SLC9A6: variants seen among roughly 807,000 people sequenced by gnomAD.
SLC9A6 encodes sodium/hydrogen exchanger 6.
Under a neutral mutation model 45.3 loss-of-function variants are expected in SLC9A6, and 6 were observed. The observed-to-expected ratio is 0.13, with a 90% CI of 0.07 to 0.26. The LOEUF is 0.26. SLC9A6 is among the 10% of genes least tolerant of loss of function. The probability of loss-of-function intolerance (pLI) is 1.00; values close to 1 mark genes in which losing one functional copy is unlikely to be tolerated. For synonymous variants in SLC9A6, 191 were observed against 187.7 expected (o/e 1.02, Z -0.14); for missense variants, 278 against 503.7 (o/e 0.55, Z 4.29).
In SLC9A6 at chrX:136,045,325, C is replaced by G. The variant is rs913261865; in HGVS notation, c.*601C>G. On this transcript the variant is annotated 3_prime_UTR_variant, in exon 18 of 18. Coordinates refer to ENST00000630721, the MANE Select transcript of SLC9A6 (RefSeq NM_001379110.1). ...TTTTCCCCCGCTTGCTGTGAAAGCA[C>G]AGATTCATTGACTACAGTACACTGT... 2.6e-5 allele frequency: 3 copies of G among 116,349 alleles called. No individual in the cohort carries two copies. The highest frequency in any genetic ancestry group is 8.6e-5 in the Admixed American group (1 of 11,596). 9.6% of individuals were successfully genotyped at this position (116,349 alleles called of 1,213,427 possible). A position where few individuals can be genotyped will look rare whatever the true frequency, so the allele number is the denominator to read the frequency against.
At chrX:135,998,400 A>G in intron 4 of SLC9A6, 82 bp from the exon 5 acceptor site, 1 of 688,531 alleles carries the variant, frequency 1.5e-6, no homozygotes, top group Admixed American at 3.2e-5. Flanking sequence ...AATGCATTTC[A>G]TATTAGCATA....
chrX:136,042,931 T>C (rs1181575677), intron 17 of SLC9A6, among the ~76,000 whole-genome samples: 7 of 112,123 alleles, frequency 6.2e-5, no homozygotes, highest in Middle Eastern at 4.6e-3. Flanking sequence ...ACAATACTTA[T>C]AGTGAATATT....
At chrX:135,994,107 CTTTT>C (rs782645887) in intron 2 of SLC9A6, among the ~76,000 whole-genome samples, 1 of 96,581 alleles carries the variant, frequency 1.0e-5, no homozygotes, top group African/African-American at 3.7e-5. Context: ...AAACAAATTT[CTTTT>C]TTTTTTTTTT....
rs781890953 is a variant in SLC9A6 at position 136,038,818 on chromosome X, A to ACAT, written c.1662-1255_1662-1253dup. On this transcript the variant is annotated intron_variant, in intron 16 of 17. Coordinates refer to ENST00000630721, the MANE Select transcript of SLC9A6 (RefSeq NM_001379110.1). ...AAGGAATTTTTTCTTGTAGAGTCAA[A>ACAT]CATCAAGACTTGTTAGCCTCAGTAC... 2.3e-4 allele frequency among the ~76,000 whole-genome samples: 25 copies of ACAT among 108,624 alleles called. No homozygotes were observed. The East Asian group carries it at 7.1e-3, about 31-fold the overall frequency. 94.3% of individuals were successfully genotyped at this position (108,624 alleles called of 115,157 possible).
chrX:136,026,610 G>T (rs1461614707), intron 13 of SLC9A6, among the ~76,000 whole-genome samples: 1 of 108,527 alleles, frequency 9.2e-6, no homozygotes, highest in African/African-American at 3.4e-5. Flanking sequence ...ATCTCAGCTC[G>T]TTGCAACCTC....
chrX:136,043,360 G>GT (rs1422599678), intron 17 of SLC9A6, among the ~76,000 whole-genome samples: 1 of 112,089 alleles, frequency 8.9e-6, no homozygotes, highest in Non-Finnish European at 1.9e-5. Flanking sequence ...ATACCCAGCC[G>GT]TTTATTTTTC....
intron 1 of SLC9A6, among the ~76,000 whole-genome samples, chrX:135,976,952 A>C (rs782270078): frequency 1.8e-5 from 2 of 112,322 alleles, no homozygotes; most frequent in Admixed American, 9.4e-5. Context: ...AATTATGTTC[A>C]GGGAGTGAGA....
intron 16 of SLC9A6, among the ~76,000 whole-genome samples, chrX:136,039,545 ACAGT>A (rs1338267081): frequency 6.3e-5 from 7 of 111,774 alleles, no homozygotes; most frequent in Non-Finnish European, 3.8e-5. Flanking sequence ...TCCTAAGTAA[ACAGT>A]CAGTCTGATA....
chrX:136,033,903 A>T (rs1171570827), intron 16 of SLC9A6, among the ~76,000 whole-genome samples: 1 of 112,059 alleles, frequency 8.9e-6, no homozygotes, highest in African/African-American at 3.2e-5. Flanking sequence ...AATGAAATCA[A>T]AATGCGATAA....
chrX:136,033,047 A>G, intron 15 of SLC9A6: 1 of 146,705 alleles, frequency 6.8e-6, no homozygotes, highest in Non-Finnish European at 1.3e-5. Flanking sequence ...TATTTTTAGT[A>G]GAAACGGGGT....
At chrX:136,007,114 G>A (rs139208167) in intron 7 of SLC9A6, among the ~76,000 whole-genome samples, 4,281 of 111,070 alleles carry the variant, frequency 0.039, 146 homozygotes, top group African/African-American at 0.11. Context: ...TGATCCGTCC[G>A]CCTCGGCCTC....
chrX:136,030,292 A>G, intron 15 of SLC9A6, 130 bp downstream of exon 15: 1 of 687,551 alleles, frequency 1.5e-6, no homozygotes, highest in Non-Finnish European at 2.3e-6. Flanking sequence ...TGGAGGAATG[A>G]TATCATTCCT....
intron 6 of SLC9A6, among the ~76,000 whole-genome samples, chrX:136,001,100 C>T (rs1009059823): frequency 9.0e-6 from 1 of 111,091 alleles, no homozygotes; most frequent in African/African-American, 3.3e-5. Flanking sequence ...CTTTGGGAGG[C>T]TGAGACAGGT....
chrX:136,026,484 A>G (rs1471656995), intron 13 of SLC9A6, among the ~76,000 whole-genome samples: 1 of 111,747 alleles, frequency 8.9e-6, no homozygotes, highest in Non-Finnish European at 1.9e-5. Flanking sequence ...TCATTCAATA[A>G]ACATTTACTG....
intron 15 of SLC9A6, among the ~76,000 whole-genome samples, chrX:136,031,391 T>C (rs184193865): frequency 8.9e-5 from 10 of 112,296 alleles, no homozygotes; most frequent in Admixed American, 3.8e-4. Flanking sequence ...CCGTTTTTTT[T>C]CCCATACCTT....
chrX:136,027,541 G>A (rs2071250714), intron 13 of SLC9A6, among the ~76,000 whole-genome samples: 2 of 111,814 alleles, frequency 1.8e-5, no homozygotes, highest in Admixed American at 1.9e-4. Flanking sequence ...AACTGTCAAG[G>A]GCCAGAGAGT....
intron 1 of SLC9A6, among the ~76,000 whole-genome samples, chrX:135,978,300 A>C (rs2089271755): frequency 8.9e-6 from 1 of 111,942 alleles, no homozygotes; most frequent in African/African-American, 3.2e-5. Context: ...TTTCATTACC[A>C]CATGTGCACA....
At chrX:135,985,867 C>A (rs782216973) in intron 2 of SLC9A6, 40 bp downstream of exon 2, 1 of 1,200,571 alleles carries the variant, frequency 8.3e-7, no homozygotes, top group East Asian at 3.0e-5. Flanking sequence ...GGCGCTGCCC[C>A]TTTCTCTGCC....
In SLC9A6 at chrX:136,017,843, A is replaced by G. The variant is rs1033612939; in HGVS notation, c.1194+1085A>G. Among the ~76,000 whole-genome samples the G allele has an allele frequency of 3.6e-5, 4 of 111,774 alleles. No individual in the cohort carries two copies. The East Asian group carries it at 1.1e-3, about 32-fold the overall frequency. ...GATTCTGGCTCCAGGATCTCTTAAGAGGTCGCAGTTGTGCTCTTGGCTGGG... is the reference window on the plus strand; with the variant it reads ...GATTCTGGCTCCAGGATCTCTTAAGGGGTCGCAGTTGTGCTCTTGGCTGGG... On this transcript the variant is annotated intron_variant, in intron 11 of 17. Transcript: ENST00000630721.
Sources: gnomAD v4.1 joint callset for allele counts (sites outside exome capture counted in the v4.1 genomes callset) on GRCh38, gnomAD v4.1.1 for gene constraint, MANE v1.5 for transcripts, NCBI Gene and HGNC (gene_info 2026-07-23, HGNC 2026-07-21) for gene names.